ERCC6: variants seen among roughly 807,000 people sequenced by gnomAD.
ERCC6 encodes ERCC excision repair 6, chromatin remodeling factor.
In ERCC6, 116 loss-of-function variants were observed where a neutral mutation model predicts 158.7. That is an observed-to-expected ratio of 0.73 (90% CI 0.63 to 0.85). The LOEUF (loss-of-function observed/expected upper bound fraction) is 0.85, where lower values mean the gene tolerates loss of function less well. Among genes scored for constraint, ERCC6 ranks in the 40% least tolerant of loss-of-function variants. ERCC6 has a pLI of 0.00. For synonymous variants in ERCC6, 678 were observed against 659.3 expected, an observed-to-expected ratio of 1.03 and a Z score of -0.43; for missense variants, 1,698 against 1,799.4, an observed-to-expected ratio of 0.94 and a Z score of 1.02.
chr10:49,438,080 A>G, the ERCC6 span, among the ~76,000 whole-genome samples: 25 of 152,336 alleles, frequency 1.6e-4, no homozygotes, highest in African/African-American at 6.0e-4. Flanking sequence ...CTTGAACTGC[A>G]GTTGGTTGCA....
At chr10:49,491,739 C>T (rs1460795001) in intron 8 of ERCC6, among the ~76,000 whole-genome samples, 1 of 152,072 alleles carries the variant, frequency 6.6e-6, no homozygotes, top group East Asian at 1.9e-4. Context: ...ACTTTACTAC[C>T]CCAAAAGAAA....
At chr10:49,496,626 G>T (rs1471581594) in intron 7 of ERCC6, among the ~76,000 whole-genome samples, 1 of 152,086 alleles carries the variant, frequency 6.6e-6, no homozygotes, top group Non-Finnish European at 1.5e-5. Flanking sequence ...TGGCCAACAT[G>T]GTGAAACCCC....
chr10:49,530,239 C>A (rs547624966), intron 3 of ERCC6, among the ~76,000 whole-genome samples: 13 of 152,322 alleles, frequency 8.5e-5, no homozygotes, highest in Admixed American at 5.9e-4. Flanking sequence ...GAACTTTTCT[C>A]AAATACACAG....
intron 5 of ERCC6, among the ~76,000 whole-genome samples, chr10:49,521,867 C>T (rs1417049059): frequency 6.6e-6 from 1 of 152,196 alleles, no homozygotes; most frequent in Non-Finnish European, 1.5e-5. Context: ...CGGAAAATTC[C>T]TAGTAAGTAT....
chr10:49,525,632 CA>C (rs1181883203), intron 4 of ERCC6, among the ~76,000 whole-genome samples: 1 of 152,192 alleles, frequency 6.6e-6, no homozygotes, highest in Non-Finnish European at 1.5e-5. Flanking sequence ...ACAATTCTTG[CA>C]GGCCAATGAT....
At chr10:49,465,497 A>T (rs1368792658) in intron 18 of ERCC6, among the ~76,000 whole-genome samples, 2 of 152,174 alleles carry the variant, frequency 1.3e-5, no homozygotes, top group Non-Finnish European at 2.9e-5. Context: ...TGGTTTTAAA[A>T]TGTGAAGATA....
chr10:49,467,974 TA>T lies in ERCC6; in HGVS notation c.3778+2207del, dbSNP rs377342567. Among the ~76,000 whole-genome samples the T allele has an allele frequency of 2.4e-4, 37 of 152,318 alleles. 1 individual carries two copies. In the East Asian group the frequency reaches 7.2e-3, roughly 29 times the overall value. ...GGTAGGGCTGAAGCAGTGCTCACTC[TA>T]AGGCTGATCATTCCCTACTACAGAG... On this transcript the variant is annotated intron_variant, in intron 18 of 20. Coordinates refer to ENST00000355832, the MANE Select transcript of ERCC6 (RefSeq NM_000124.4).
chr10:49,517,807 G>T (rs909372915), intron 5 of ERCC6, among the ~76,000 whole-genome samples: 1 of 152,046 alleles, frequency 6.6e-6, no homozygotes, highest in Non-Finnish European at 1.5e-5. Context: ...GCCTCCTAAA[G>T]TGCTGGGATT....
chr10:49,537,126 A>C (rs1365681013), intron 1 of ERCC6, among the ~76,000 whole-genome samples: 1 of 152,110 alleles, frequency 6.6e-6, no homozygotes, highest in Non-Finnish European at 1.5e-5. Context: ...CGGGAGGATC[A>C]CGAGGTCAGA....
chr10:49,516,267 T>C (rs200638550), intron 5 of ERCC6: 16 of 1,614,146 alleles, frequency 9.9e-6, no homozygotes, highest in Non-Finnish European at 1.2e-5. Flanking sequence ...AATAAATTGT[T>C]TGCACCCGTG....
rs1216676592 is a variant in ERCC6, at chr10:49,457,587, A to G, written c.*1228T>C. On this transcript the variant is annotated 3_prime_UTR_variant, in exon 21 of 21. Transcript: ENST00000355832. ...CATGAGAGAGATGTAAAGAAATAGC[A>G]GGGTAGGAGGGCAGGCATACTACAG... 1 of 152,212 alleles carries G rather than the reference A, an allele frequency of 6.6e-6. No homozygotes were observed. Among genetic ancestry groups the G allele is most frequent in the African/African-American group, 2.4e-5 (1 of 41,448 alleles). The allele number at this position is 152,212 out of a possible 1,614,324, so 9.4% of individuals were successfully genotyped here. A position where few individuals can be genotyped will look rare whatever the true frequency, so the allele number is the denominator to read the frequency against.
At chr10:49,473,290 C>A (rs1353358357) in intron 14 of ERCC6, among the ~76,000 whole-genome samples, 187 bp downstream of exon 14, 1 of 152,192 alleles carries the variant, frequency 6.6e-6, no homozygotes, top group African/African-American at 2.4e-5. Context: ...CATACACATG[C>A]CCACAATCCC....
chr10:49,471,869 CTGT>C (rs1850787509), intron 16 of ERCC6, among the ~76,000 whole-genome samples: 3 of 152,172 alleles, frequency 2.0e-5, no homozygotes, highest in South Asian at 4.1e-4. Context: ...CTTGATTCTA[CTGT>C]TGAAGTTACC....
At chr10:49,536,423 A>G (rs575210023) in intron 1 of ERCC6, among the ~76,000 whole-genome samples, 232 of 152,306 alleles carry the variant, frequency 1.5e-3, no homozygotes, top group African/African-American at 5.5e-3. Flanking sequence ...AGCAGAAATG[A>G]ACAGGAGGCA....
In ERCC6 at chr10:49,526,117, T is replaced by TATATA. The variant is rs1837326508; in HGVS notation, c.653-1341_653-1340insTATAT. Among the ~76,000 whole-genome samples the TATATA allele has an allele frequency of 6.7e-4, 29 of 43,568 alleles. 1 individual carries two copies. Among genetic ancestry groups the TATATA allele is most frequent in the Non-Finnish European group, 9.8e-4 (19 of 19,394 alleles). The allele number at this position is 43,568 out of a possible 152,430, so 28.6% of individuals were successfully genotyped here. ...TATATATTTATATATTTATATATTT[T>TATATA]TATATATATATATATATATATATAT... On this transcript the variant is annotated intron_variant, in intron 4 of 20. Coordinates refer to ENST00000355832, the MANE Select transcript of ERCC6 (RefSeq NM_000124.4).
At position 49,532,960 on chromosome 10, in the gene ERCC6, G is replaced by A; in HGVS notation, c.5C>T (p.Pro2Leu). The A allele has an allele frequency of 1.2e-6, 2 of 1,614,140 alleles. No homozygotes were observed. The highest frequency in any genetic ancestry group is 1.7e-6 in the Non-Finnish European group (2 of 1,180,040). Residue 2 changes from proline to leucine, a missense_variant, in exon 2 of 21, where the codon CCA (proline) becomes CTA (leucine). By Grantham distance (98) the Pro-to-Leu change is moderately conservative. Coordinates refer to ENST00000355832, the MANE Select transcript of ERCC6 (RefSeq NM_000124.4). ...ACTTGAGTGGGGGATTCCCTCATTT[G>A]GCATTCTCTACAGACTACCTAAAAG... M[P>L]NEGIPHSSQT...
At chr10:49,462,902 TCAAA>T (rs939679158) in intron 18 of ERCC6, among the ~76,000 whole-genome samples, 5 of 152,218 alleles carry the variant, frequency 3.3e-5, no homozygotes, top group Non-Finnish European at 2.9e-5. Context: ...TGGGCATTAT[TCAAA>T]CAAACAAACA....
chr10:49,530,410 T>C lies in ERCC6; in HGVS notation c.543+310A>G, dbSNP rs4253029. 0.015 allele frequency among the ~76,000 whole-genome samples: 2,243 copies of C among 152,298 alleles called. 47 individuals are homozygous for C. The highest frequency in any genetic ancestry group is 0.05 in the African/African-American group (2,064 of 41,546). On this transcript the variant is annotated intron_variant, in intron 3 of 20. Transcript: ENST00000355832. The stretch of plus-strand genomic sequence containing the variant: ...TAGGTTTTTCAGTGTATTTAATGCA[T>C]TTTTGACTAACAATATTTTCAATTT...
At chr10:49,527,143 GGTAGCTATTAACCCTAGACAAT>G (rs757994191) in intron 4 of ERCC6, among the ~76,000 whole-genome samples, 5 of 152,240 alleles carry the variant, frequency 3.3e-5, no homozygotes, top group East Asian at 1.9e-4. Context: ...GATTTGAGGA[GGTAGCTATTAACCCTAGACAAT>G]GTAGCTATTA....
Sources: allele counts gnomAD v4.1 joint callset (sites outside exome capture counted in the v4.1 genomes callset), GRCh38; gene constraint gnomAD v4.1.1; transcripts MANE v1.5; gene names NCBI Gene and HGNC (gene_info 2026-07-23, HGNC 2026-07-21).